Variants in EMID1 observed in about 807,000 individuals in gnomAD.
The protein encoded by EMID1 is EMI domain-containing protein 1.
A neutral mutation model predicts 60.6 loss-of-function variants in EMID1; 40 were observed. That is an observed-to-expected ratio of 0.66 (90% CI 0.51 to 0.86). EMID1 has a LOEUF of 0.86. Ranked by LOEUF, EMID1 falls within the 40% of genes least tolerant of loss-of-function variation. The pLI, the probability that EMID1 is intolerant of heterozygous loss-of-function variation, is 0.00. For missense variants in EMID1, 585 were observed against 597.1 expected (o/e 0.98, Z 0.21); for synonymous variants, 242 against 231.0 (o/e 1.05, Z -0.43).
chr22:29,213,113 CTT>C (rs2039955088), intron 1 of EMID1, among the ~76,000 whole-genome samples: 1 of 152,360 alleles, frequency 6.6e-6, no homozygotes, highest in South Asian at 2.1e-4. Flanking sequence ...CTGTCTCTCT[CTT>C]AATGTAATAG....
intron 8 of EMID1, chr22:29,232,736 T>C (rs2040801284): frequency 7.7e-6 from 2 of 259,046 alleles, no homozygotes; most frequent in Non-Finnish European, 1.5e-5. Flanking sequence ...CTCGGAACAC[T>C]GGGACGCAAA....
intron 3 of EMID1, among the ~76,000 whole-genome samples, chr22:29,223,488 T>C (rs1391021199): frequency 3.3e-5 from 5 of 152,238 alleles, no homozygotes; most frequent in African/African-American, 1.2e-4. Context: ...TTGGTGAGAC[T>C]GTTCTTCTCA....
At chr22:29,234,094 A>G (rs998031614) in intron 10 of EMID1, 43 bp from the exon 11 acceptor site, 2 of 1,554,530 alleles carry the variant, frequency 1.3e-6, no homozygotes, top group Admixed American at 1.9e-5. Flanking sequence ...TGCCCACTCC[A>G]TCCTGCCCCA....
intron 14 of EMID1, chr22:29,255,227 G>A (rs750789960): frequency 3.4e-5 from 18 of 526,892 alleles, no homozygotes; most frequent in East Asian, 1.5e-4. Flanking sequence ...CCCAGCCCTC[G>A]GAGGCCAGAC....
intron 3 of EMID1, among the ~76,000 whole-genome samples, chr22:29,222,977 A>G (rs1461948237): frequency 2.0e-5 from 3 of 152,076 alleles, no homozygotes; most frequent in Admixed American, 2.0e-4. Flanking sequence ...TGTTGTCCCA[A>G]CTACTCTGGA....
At chr22:29,216,971 C>T (rs2040112178) in intron 3 of EMID1, among the ~76,000 whole-genome samples, 1 of 152,210 alleles carries the variant, frequency 6.6e-6, no homozygotes, top group African/African-American at 2.4e-5. Context: ...GGAACAGCAC[C>T]CTCTTGTCCC....
intron 3 of EMID1, among the ~76,000 whole-genome samples, chr22:29,223,173 C>A (rs550153092): frequency 6.6e-6 from 1 of 152,336 alleles, no homozygotes; most frequent in East Asian, 1.9e-4. Context: ...ACAAAACAGA[C>A]AAGGTCCCTG....
chr22:29,229,808 T>C (rs2040662008), intron 5 of EMID1, among the ~76,000 whole-genome samples: 1 of 152,176 alleles, frequency 6.6e-6, no homozygotes, highest in Non-Finnish European at 1.5e-5. Flanking sequence ...GTCCCACATC[T>C]TGATGGGAAT....
chr22:29,213,081 G>A (rs1449694091), intron 1 of EMID1, among the ~76,000 whole-genome samples: 1 of 152,130 alleles, frequency 6.6e-6, no homozygotes, highest in African/African-American at 2.4e-5. Flanking sequence ...ACATGTGCAC[G>A]CATATAGAAA....
At chr22:29,219,539 G>A (rs1037209612) in intron 3 of EMID1, among the ~76,000 whole-genome samples, 9 of 152,138 alleles carry the variant, frequency 5.9e-5, no homozygotes, top group Non-Finnish European at 1.2e-4. Context: ...AAGCACTTTG[G>A]GAGGCCAAGG....
intron 3 of EMID1, among the ~76,000 whole-genome samples, chr22:29,223,077 C>T (rs369487112): frequency 6.6e-6 from 1 of 151,936 alleles, no homozygotes; most frequent in Non-Finnish European, 1.5e-5. Flanking sequence ...GGTGACAGAG[C>T]GAGACTCCGT....
intron 3 of EMID1, among the ~76,000 whole-genome samples, chr22:29,218,924 G>A (rs941018885): frequency 6.6e-6 from 1 of 152,196 alleles, no homozygotes; most frequent in Non-Finnish European, 1.5e-5. Context: ...TTTCTCCCCA[G>A]GGTGCCGACC....
intron 13 of EMID1, among the ~76,000 whole-genome samples, chr22:29,248,711 T>C (rs1477078493): frequency 6.6e-6 from 1 of 152,120 alleles, no homozygotes; most frequent in Non-Finnish European, 1.5e-5. Context: ...TATGATGGCA[T>C]GTGCCTGTGG....
intron 12 of EMID1, 138 bp from the exon 13 acceptor site, chr22:29,243,307 C>T (rs2041217596): frequency 1.2e-6 from 1 of 815,050 alleles, no homozygotes; most frequent in South Asian, 1.7e-5. Context: ...TTGGTTTTTG[C>T]TTTGTATCCA....
chr22:29,225,110 G>A, intron 3 of EMID1, 23 bp from the exon 4 acceptor site: 4 of 1,612,686 alleles, frequency 2.5e-6, no homozygotes, highest in East Asian at 2.2e-5. Context: ...ATGCCAGCAG[G>A]GCTCTCACCC....
chr22:29,258,955 G>A lies in EMID1; in HGVS notation c.*11G>A, dbSNP rs758669557. The A allele has an allele frequency of 5.6e-6, 9 of 1,609,452 alleles. No homozygotes were observed. Among genetic ancestry groups the A allele is most frequent in the Middle Eastern group, 1.6e-4 (1 of 6,064 alleles). On this transcript the variant is annotated 3_prime_UTR_variant, in exon 15 of 15. Transcript: ENST00000334018. ...GACGAGAGAGGCTGAGGGTGGTGGC[G>A]GCCCCTGAGGCAGACCAGGCCAGGC... is the stretch of plus-strand genomic sequence containing the variant.
At chr22:29,219,143 C>G (rs1215050833) in intron 3 of EMID1, among the ~76,000 whole-genome samples, 1 of 152,120 alleles carries the variant, frequency 6.6e-6, no homozygotes. Context: ...GCTGAGGAGC[C>G]GAGCTCAAAC....
intron 12 of EMID1, among the ~76,000 whole-genome samples, chr22:29,243,003 G>A (rs1032765883): frequency 1.2e-4 from 18 of 152,172 alleles, no homozygotes; most frequent in East Asian, 1.9e-4. Context: ...CCATCCAAGC[G>A]TCAGAAAGGA....
chr22:29,226,622 CTCCCCACCTCCT>C (rs2040520810), intron 5 of EMID1, 71 bp downstream of exon 5: 1 of 1,481,258 alleles, frequency 6.8e-7, no homozygotes. Flanking sequence ...CCATCCCACC[CTCCCCACCTCCT>C]TCCCCGCACC....
Sources: gnomAD v4.1 joint callset for allele counts (sites outside exome capture counted in the v4.1 genomes callset) on GRCh38, gnomAD v4.1.1 for gene constraint, MANE v1.5 for transcripts, NCBI Gene and HGNC (gene_info 2026-07-23, HGNC 2026-07-21) for gene names.